STK32B: variants seen among roughly 807,000 people sequenced by gnomAD.
The protein encoded by STK32B is serine/threonine kinase 32B, also known as serine/threonine-protein kinase 32B.
In STK32B, 43 loss-of-function variants were observed where a neutral mutation model predicts 52.6. The ratio of observed to expected loss-of-function variants is 0.82; its 90% CI spans 0.64 to 1.05. The LOEUF is 1.05. STK32B is among the 50% of genes least tolerant of loss of function. The pLI is 0.00. For missense variants in STK32B, 621 were observed against 534.6 expected, an observed-to-expected ratio of 1.16 and a Z score of -1.59; for synonymous variants, 238 against 204.3, an observed-to-expected ratio of 1.17 and a Z score of -1.41.
chr4:5,093,228 C>T (rs1285400618), intron 1 of STK32B, among the ~76,000 whole-genome samples: 3 of 152,076 alleles, frequency 2.0e-5, no homozygotes, highest in African/African-American at 7.2e-5. Flanking sequence ...AAAATGTATA[C>T]AAATCTATTA....
Position 5,278,091 on chromosome 4 carries a change from G to A in STK32B, c.261-53129G>A, listed in dbSNP as rs538804061. Among the ~76,000 whole-genome samples the A allele has an allele frequency of 4.6e-5, 7 of 152,350 alleles. No homozygotes were observed. The East Asian group carries it at 1.3e-3, about 29-fold the overall frequency. On this transcript the variant is annotated intron_variant, in intron 3 of 11. Coordinates refer to ENST00000282908, the MANE Select transcript of STK32B (RefSeq NM_018401.3). Reference sequence around the variant, plus strand: ...AGATGAGGTGACTCAGGTGACTAATGACAGGCCCCAGGGGTGGCAGGTAGA... The same window carrying A: ...AGATGAGGTGACTCAGGTGACTAATAACAGGCCCCAGGGGTGGCAGGTAGA...
chr4:5,481,917 G>C (rs939153090), intron 11 of STK32B, among the ~76,000 whole-genome samples: 2 of 152,098 alleles, frequency 1.3e-5, no homozygotes, highest in East Asian at 1.9e-4. Context: ...TTATTTCTGA[G>C]GGCTCTGTTC....
At chr4:5,161,025 G>C (rs890484889) in intron 2 of STK32B, among the ~76,000 whole-genome samples, 3 of 152,174 alleles carry the variant, frequency 2.0e-5, no homozygotes, top group Non-Finnish European at 2.9e-5. Flanking sequence ...AGCCCACTTA[G>C]GGCCTGGGGA....
chr4:5,132,160 T>G (rs1427212779), intron 1 of STK32B, among the ~76,000 whole-genome samples: 1 of 152,240 alleles, frequency 6.6e-6, no homozygotes, highest in African/African-American at 2.4e-5. Context: ...ATATTTTCTT[T>G]ATCCAGTCTA....
At position 5,230,208 on chromosome 4, in the gene STK32B, T is replaced by TTTTTTTG. The variant is rs58022709; in HGVS notation, c.260+61759_260+61760insTTTTTGT. ...TTTTTTTTTTTTTTTTTTTTTTTTTTTAGTGGAGTCTTGCACCGTCGCCCA... is the reference window on the plus strand; with the variant it reads ...TTTTTTTTTTTTTTTTTTTTTTTTTTTTTTTTGTAGTGGAGTCTTGCACCGTCGCCCA... On this transcript the variant is annotated intron_variant, in intron 3 of 11. Transcript: ENST00000282908. Among the ~76,000 whole-genome samples, 211 of 103,460 alleles carry TTTTTTTG rather than the reference T, an allele frequency of 2.0e-3. 15 individuals are homozygous for TTTTTTTG. The highest frequency in any genetic ancestry group is 3.3e-3 in the Admixed American group (27 of 8,238). 67.9% of individuals were successfully genotyped at this position (103,460 alleles called of 152,430 possible).
intron 11 of STK32B, among the ~76,000 whole-genome samples, chr4:5,485,056 A>G (rs1719035925): frequency 1.3e-5 from 2 of 150,308 alleles, no homozygotes; most frequent in Non-Finnish European, 3.0e-5. Context: ...TGAATCTGAC[A>G]GTTATGTGTC....
chr4:5,361,417 G>A (rs529708547), intron 4 of STK32B, among the ~76,000 whole-genome samples: 310 of 152,106 alleles, frequency 2.0e-3, no homozygotes, highest in African/African-American at 7.3e-3. Flanking sequence ...TGTCATCCAG[G>A]CTGGAGTGCA....
chr4:5,336,729 A>G (rs1362632718), intron 4 of STK32B, among the ~76,000 whole-genome samples: 1 of 152,236 alleles, frequency 6.6e-6, no homozygotes, highest in African/African-American at 2.4e-5. Flanking sequence ...TAAAGAATCT[A>G]CAGATTTCAA....
At chr4:5,484,398 C>T (rs1398258082) in intron 11 of STK32B, among the ~76,000 whole-genome samples, 2 of 152,144 alleles carry the variant, frequency 1.3e-5, no homozygotes, top group Non-Finnish European at 2.9e-5. Context: ...TTATCAGAGA[C>T]TAGGATTGCA....
At chr4:5,305,798 T>C (rs1190554499) in intron 3 of STK32B, among the ~76,000 whole-genome samples, 1 of 152,172 alleles carries the variant, frequency 6.6e-6, no homozygotes, top group Admixed American at 6.6e-5. Context: ...GACCTTAGAT[T>C]GTCTACTGGT....
intron 11 of STK32B, among the ~76,000 whole-genome samples, chr4:5,482,637 G>C (rs1718813247): frequency 6.6e-6 from 1 of 152,176 alleles, no homozygotes; most frequent in South Asian, 2.1e-4. Context: ...AATAGGAGTA[G>C]TGAGAGAGGG....
intron 3 of STK32B, among the ~76,000 whole-genome samples, chr4:5,313,475 TCTTA>T (rs1000879221): frequency 5.3e-5 from 8 of 152,098 alleles, no homozygotes; most frequent in Non-Finnish European, 7.4e-5. Flanking sequence ...CTTTTACTAC[TCTTA>T]CTTAGTAAAC....
At chr4:5,343,671 A>G (rs1326318327) in intron 4 of STK32B, among the ~76,000 whole-genome samples, 1 of 152,218 alleles carries the variant, frequency 6.6e-6, no homozygotes, top group East Asian at 1.9e-4. Flanking sequence ...ATGGGCAAGG[A>G]CTTCATGTCT....
chr4:5,108,199 T>A (rs1479319594), intron 1 of STK32B, among the ~76,000 whole-genome samples: 2 of 152,236 alleles, frequency 1.3e-5, no homozygotes, highest in Admixed American at 6.5e-5. Flanking sequence ...CTGATTCACA[T>A]AGTTGTAAAT....
intron 3 of STK32B, among the ~76,000 whole-genome samples, chr4:5,275,237 AT>A (rs927629192): frequency 9.2e-5 from 14 of 152,220 alleles, no homozygotes; most frequent in Middle Eastern, 3.2e-3. Flanking sequence ...GATGATGTAG[AT>A]TCAACTTAGT....
In STK32B at chr4:5,396,756, TA is replaced by T. The variant is rs1736946445; in HGVS notation, c.435-1450del. The stretch of plus-strand genomic sequence containing the variant: ...TTTTCATTCTTGACATGTATTTTAT[TA>T]TCTCTTTTCTCATCTTTTGTTGAGA... On this transcript the variant is annotated intron_variant, in intron 4 of 11. Coordinates refer to ENST00000282908, the MANE Select transcript of STK32B (RefSeq NM_018401.3). This position sits in a 1 kb window ranked among gnomAD's most constrained non-coding sequence, Gnocchi z 4.7. Among the ~76,000 whole-genome samples the T allele has an allele frequency of 6.6e-6, 1 of 152,236 alleles. No homozygotes were observed. Among genetic ancestry groups the T allele is most frequent in the Non-Finnish European group, 1.5e-5 (1 of 68,048 alleles).
chr4:5,195,970 C>T (rs946651897), intron 3 of STK32B, among the ~76,000 whole-genome samples: 2 of 152,238 alleles, frequency 1.3e-5, no homozygotes, highest in African/African-American at 4.8e-5. Context: ...ATGAAACTTA[C>T]ATGGCATCAT....
At chr4:5,466,859 C>G in intron 10 of STK32B, 25 bp downstream of exon 10, 1 of 1,607,032 alleles carries the variant, frequency 6.2e-7, no homozygotes, top group Non-Finnish European at 8.5e-7. Context: ...GGAGCCGTTC[C>G]GGGAGAGAAA....
chr4:5,168,171 C>A, intron 2 of STK32B, 128 bp from the exon 3 acceptor site: 1 of 1,248,574 alleles, frequency 8.0e-7, no homozygotes, highest in Non-Finnish European at 1.1e-6. Context: ...AGCAGAGCTG[C>A]TCCCCTAGCA....
Sources: allele counts gnomAD v4.1 joint callset (sites outside exome capture counted in the v4.1 genomes callset), GRCh38; gene constraint gnomAD v4.1.1; non-coding constraint Gnocchi (gnomAD v3.1); transcripts MANE v1.5; gene names NCBI Gene and HGNC (gene_info 2026-07-23, HGNC 2026-07-21).